Variants in LRP2 observed in about 807,000 individuals in gnomAD.
LRP2 encodes LDL receptor related protein 2, also known as low-density lipoprotein receptor-related protein 2.
A neutral mutation model predicts 531.0 loss-of-function variants in LRP2; 172 were observed. The observed-to-expected ratio is 0.32, with a 90% CI of 0.29 to 0.37. The LOEUF (loss-of-function observed/expected upper bound fraction) is 0.37, where lower values mean the gene tolerates loss of function less well. Among genes scored for constraint, LRP2 ranks in the 10% least tolerant of loss-of-function variants. LRP2 has a pLI of 1.00. For synonymous variants in LRP2, 1,992 were observed against 2,027.6 expected, an observed-to-expected ratio of 0.98 and a Z score of 0.47; for missense variants, 5,167 against 5,868.3, an observed-to-expected ratio of 0.88 and a Z score of 3.90.
intron 62 of LRP2, among the ~76,000 whole-genome samples, chr2:169,165,093 C>G (rs559753658): frequency 6.6e-6 from 1 of 152,266 alleles, no homozygotes; most frequent in African/African-American, 2.4e-5. Context: ...CTGACAGTCT[C>G]CTCTGGGATG....
Position 169,275,913 on chromosome 2 carries a change from C to T in LRP2, c.1773-675G>A, listed in dbSNP as rs548508885. Among the ~76,000 whole-genome samples, 13 of 152,086 alleles carry T rather than the reference C, an allele frequency of 8.5e-5. 1 individual carries two copies. In the Middle Eastern group the frequency reaches 0.01, roughly 119 times the overall value. ...AAGAGAGGAAATCAACAACGCCCCC[C>T]GTGACTATGTCTCCATAAACAATGA... is the stretch of plus-strand genomic sequence containing the variant. On this transcript the variant is annotated intron_variant, in intron 13 of 78. Transcript: ENST00000649046.
chr2:169,194,541 GTTCCTA>G (rs1687938771), intron 46 of LRP2, among the ~76,000 whole-genome samples: 1 of 152,060 alleles, frequency 6.6e-6, no homozygotes, highest in Non-Finnish European at 1.5e-5. Context: ...AACCCCACAT[GTTCCTA>G]TTTAACTAAT....
chr2:169,352,822 G>T (rs561764526), intron 1 of LRP2, among the ~76,000 whole-genome samples: 5 of 151,748 alleles, frequency 3.3e-5, no homozygotes, highest in African/African-American at 1.2e-4. Context: ...GGTCACAGGG[G>T]GGGGAACATC....
intron 46 of LRP2, among the ~76,000 whole-genome samples, chr2:169,196,480 C>A (rs926355123): frequency 6.6e-6 from 1 of 152,112 alleles, no homozygotes; most frequent in Non-Finnish European, 1.5e-5. Flanking sequence ...CATAAACTGG[C>A]ACAGAGAGAG....
At chr2:169,154,237 G>A (rs1456961374) in intron 66 of LRP2, among the ~76,000 whole-genome samples, 1 of 152,178 alleles carries the variant, frequency 6.6e-6, no homozygotes, top group East Asian at 1.9e-4. Flanking sequence ...GTCCAGAAAG[G>A]ATAAACCCCA....
intron 44 of LRP2, among the ~76,000 whole-genome samples, chr2:169,200,388 G>A (rs1470327655): frequency 2.0e-5 from 3 of 152,180 alleles, no homozygotes; most frequent in Non-Finnish European, 4.4e-5. Flanking sequence ...CAAAGGGAAT[G>A]AGGTCTCCTT....
chr2:169,333,542 T>C (rs557791884), intron 1 of LRP2, among the ~76,000 whole-genome samples: 1 of 151,580 alleles, frequency 6.6e-6, no homozygotes, highest in East Asian at 1.9e-4. Context: ...GGGAGGGGGC[T>C]ACAAGAGTAC....
chr2:169,185,626 A>G lies in LRP2; in HGVS notation c.9722T>C (p.Leu3241Ser). The change falls in exon 50 of 79, where the codon TTG becomes TCG. Residue 3241 changes from leucine to serine, a missense_variant. Physicochemically the swap from Leu to Ser is moderately radical, Grantham distance 145. Coordinates refer to ENST00000649046, the MANE Select transcript of LRP2 (RefSeq NM_004525.3). The part of the protein sequence containing the change: ...ALDFDRVEKR[L>S]YWIDTQRQVI... ...TTGCCTCTGTGTATCAATCCAATAC[A>G]ATCTCTTCTCTACTCGGTCAAAATC... is the stretch of plus-strand genomic sequence containing the variant. The G allele has an allele frequency of 6.2e-7, 1 of 1,614,192 alleles. No homozygotes were observed. The highest frequency in any genetic ancestry group is 8.5e-7 in the Non-Finnish European group (1 of 1,180,024).
At chr2:169,208,646 G>A (rs1688482989) in intron 38 of LRP2, among the ~76,000 whole-genome samples, 1 of 151,920 alleles carries the variant, frequency 6.6e-6, no homozygotes, top group Admixed American at 6.6e-5. Context: ...TAGTAGAGAT[G>A]GGGTTTCACC....
intron 46 of LRP2, among the ~76,000 whole-genome samples, chr2:169,195,617 T>A (rs1490505642): frequency 3.9e-5 from 6 of 152,354 alleles, no homozygotes; most frequent in African/African-American, 1.4e-4. Flanking sequence ...ATGGCTTTTG[T>A]TACCATAGAG....
chr2:169,162,124 G>A (rs935291817), intron 63 of LRP2, among the ~76,000 whole-genome samples: 6 of 152,222 alleles, frequency 3.9e-5, no homozygotes, highest in Non-Finnish European at 7.3e-5. Context: ...ACTGGGAAGA[G>A]GACTTGCTCT....
chr2:169,266,217 T>C (rs1397921018), intron 16 of LRP2, among the ~76,000 whole-genome samples: 1 of 151,696 alleles, frequency 6.6e-6, no homozygotes, highest in East Asian at 1.9e-4. Context: ...AGAAGAATGA[T>C]GTAAGAAAGC....
chr2:169,325,512 C>T (rs1441950515), intron 1 of LRP2, among the ~76,000 whole-genome samples: 1 of 152,218 alleles, frequency 6.6e-6, no homozygotes, highest in Non-Finnish European at 1.5e-5. Flanking sequence ...CAGTTCACTA[C>T]AATTCCCATA....
rs1374961778 is a variant in LRP2, at chr2:169,243,182, A to C, written c.3551-110T>G. 3 of 983,778 alleles carry C rather than the reference A, an allele frequency of 3.0e-6. No individual in the cohort carries two copies. In the African/African-American group the frequency reaches 4.9e-5, roughly 16 times the overall value. 60.9% of individuals were successfully genotyped at this position (983,778 alleles called of 1,614,324 possible). On this transcript the variant is annotated intron_variant, in intron 23 of 78. Coordinates refer to ENST00000649046, the MANE Select transcript of LRP2 (RefSeq NM_004525.3). ...TTTAAGTTCTGGAGTACATATGCAG[A>C]ACATGCAGGTTTGTTACATAGGTAT...
chr2:169,291,793 C>T (rs903767701), intron 7 of LRP2, among the ~76,000 whole-genome samples: 3 of 152,130 alleles, frequency 2.0e-5, no homozygotes, highest in African/African-American at 7.2e-5. Context: ...TCAGAATTTA[C>T]AAAACCAAAA....
intron 1 of LRP2, among the ~76,000 whole-genome samples, chr2:169,326,028 G>A (rs924498113): frequency 6.6e-6 from 1 of 152,026 alleles, no homozygotes; most frequent in African/African-American, 2.4e-5. Flanking sequence ...AGAATATGAT[G>A]CCAGATTCAC....
In LRP2 at chr2:169,289,064, C is replaced by A; in HGVS notation, c.1004G>T (p.Gly335Val). 6.2e-7 allele frequency: 1 copy of A among 1,614,054 alleles called. No individual in the cohort carries two copies. The highest frequency in any genetic ancestry group is 2.2e-5 in the East Asian group (1 of 44,868). Residue 335 changes from glycine to valine, a missense_variant, in exon 9 of 79, where the codon GGT becomes GTT. Gly to Val is a moderately radical substitution (Grantham distance 109). Coordinates refer to ENST00000649046, the MANE Select transcript of LRP2 (RefSeq NM_004525.3). ...GCTGTCATTGTGGTTGATGATATAA[C>A]CTGGGGGACAAAAACACGCTCCTCC... Reference protein sequence around the residue: ...PYGGACFCPPGYIINHNDSRT... With the variant: ...PYGGACFCPPVYIINHNDSRT...
At chr2:169,294,512 A>G (rs938055293) in intron 5 of LRP2, 88 bp downstream of exon 5, 138 of 975,944 alleles carry the variant, frequency 1.4e-4, no homozygotes, top group Non-Finnish European at 2.0e-4. Context: ...CTGAACCTGA[A>G]CTTGGGAAGA....
chr2:169,138,653 G>A lies in LRP2; in HGVS notation c.13442C>T (p.Ser4481Leu), dbSNP rs776006099. The A allele has an allele frequency of 7.3e-5, 118 of 1,614,028 alleles. 2 individuals carry two copies. In the South Asian group the frequency reaches 1.3e-3, roughly 18 times the overall value. The change falls in exon 75 of 79, where the codon TCA (serine) becomes TTA (leucine). Residue 4481 changes from serine to leucine, a missense_variant. Physicochemically the swap from Ser to Leu is moderately radical, Grantham distance 145 (BLOSUM62 -2). Transcript: ENST00000649046. The part of the protein sequence containing the change: ...SENGNGVTFR[S>L]GADLNMDIGV... ...AATATCCATGTTAAGATCTGCCCCT[G>A]ATCTGAAGGTCACCCCATTCCCATT...
Sources: allele counts gnomAD v4.1 joint callset (sites outside exome capture counted in the v4.1 genomes callset), GRCh38; gene constraint gnomAD v4.1.1; transcripts MANE v1.5; gene names NCBI Gene and HGNC (gene_info 2026-07-23, HGNC 2026-07-21).